SHC4: variants seen among roughly 807,000 people sequenced by gnomAD.
The protein encoded by SHC4 is SHC adaptor protein 4.
A neutral mutation model predicts 69.4 loss-of-function variants in SHC4; 41 were observed. The observed-to-expected ratio is 0.59, with a 90% CI of 0.46 to 0.77. The LOEUF is 0.77. SHC4 is among the 30% of genes least tolerant of loss of function. The pLI, the probability that SHC4 is intolerant of heterozygous loss-of-function variation, is 0.00. For synonymous variants in SHC4, 318 were observed against 299.3 expected (o/e 1.06, Z -0.64); for missense variants, 777 against 783.8 (o/e 0.99, Z 0.10).
At chr15:48,867,397 C>T (rs1483168399) in intron 6 of SHC4, among the ~76,000 whole-genome samples, 1 of 152,126 alleles carries the variant, frequency 6.6e-6, no homozygotes, top group East Asian at 1.9e-4. Context: ...AGAGATAATA[C>T]AGGCTCTTGA....
At chr15:48,906,372 A>C (rs2141014164) in intron 2 of SHC4, among the ~76,000 whole-genome samples, 1 of 152,240 alleles carries the variant, frequency 6.6e-6, no homozygotes, top group Non-Finnish European at 1.5e-5. Flanking sequence ...TTGAGGTGGA[A>C]ATCTATTTTT....
intron 2 of SHC4, among the ~76,000 whole-genome samples, chr15:48,901,691 A>T (rs925860991): frequency 4.6e-5 from 7 of 152,216 alleles, no homozygotes; most frequent in Non-Finnish European, 7.3e-5. Flanking sequence ...GATAATAGAA[A>T]GTGAGGAAAA....
chr15:48,944,181 T>C (rs1385986202), intron 1 of SHC4, among the ~76,000 whole-genome samples: 1 of 152,178 alleles, frequency 6.6e-6, no homozygotes, highest in Non-Finnish European at 1.5e-5. Context: ...TGCAACACCA[T>C]GTGGTGTCCA....
At position 48,834,881 on chromosome 15, in the gene SHC4, T is replaced by G; in HGVS notation, c.1625A>C (p.Lys542Thr). 1 of 1,614,186 alleles carries G rather than the reference T, an allele frequency of 6.2e-7. No individual in the cohort carries two copies. Reference protein sequence around the residue: ...SRKAAESLLVKDGDFLVRESA... With the variant: ...SRKAAESLLVTDGDFLVRESA... ...CTCTCGAACCAAAAAGTCCCCATCC[T>G]TTACCAAGAGGCTCTCTGCCGCCTT... The change falls in exon 11 of 12, where the codon AAG becomes ACG. Residue 542 changes from lysine to threonine, a missense_variant. Physicochemically the swap from Lys to Thr is moderately conservative, Grantham distance 78. Transcript: ENST00000332408.
intron 2 of SHC4, among the ~76,000 whole-genome samples, chr15:48,909,917 G>A (rs1457487907): frequency 6.6e-6 from 1 of 152,112 alleles, no homozygotes; most frequent in Non-Finnish European, 1.5e-5. Context: ...CTTGATCATG[G>A]TGGATTATCT....
intron 3 of SHC4, among the ~76,000 whole-genome samples, chr15:48,888,882 C>CAAAAAAAA (rs36036782): frequency 2.2e-5 from 2 of 89,158 alleles, no homozygotes; most frequent in Admixed American, 1.3e-4. Flanking sequence ...GTGAAACTGT[C>CAAAAAAAA]AAAAAAAAAA....
intron 9 of SHC4, among the ~76,000 whole-genome samples, chr15:48,845,325 C>A (rs1224233096): frequency 6.6e-6 from 1 of 152,174 alleles, no homozygotes; most frequent in East Asian, 1.9e-4. Context: ...CTCCTTTACT[C>A]CTTGTCTGTC....
At chr15:48,956,970 C>CTTTTTT (rs1234585427) in intron 1 of SHC4, among the ~76,000 whole-genome samples, 3 of 70,164 alleles carry the variant, frequency 4.3e-5, no homozygotes, top group African/African-American at 1.1e-4. Flanking sequence ...TTCTTTCTTT[C>CTTTTTT]TTTCTTTTTT....
chr15:48,922,253 G>A (rs1202959623), intron 2 of SHC4, among the ~76,000 whole-genome samples: 1 of 152,046 alleles, frequency 6.6e-6, no homozygotes, highest in East Asian at 1.9e-4. Context: ...TTATTCACTT[G>A]AACAGTTTCA....
intron 1 of SHC4, among the ~76,000 whole-genome samples, chr15:48,947,518 A>G (rs144696523): frequency 6.6e-6 from 1 of 152,316 alleles, no homozygotes; most frequent in African/African-American, 2.4e-5. Flanking sequence ...ACCCCTCAAA[A>G]AGTCATTGCT....
chr15:48,937,627 G>GATAC (rs1488037625), intron 1 of SHC4, among the ~76,000 whole-genome samples: 1 of 150,478 alleles, frequency 6.6e-6, no homozygotes, highest in African/African-American at 2.4e-5. Flanking sequence ...TAGATAGATA[G>GATAC]AGATATAAAT....
chr15:48,891,419 T>C (rs1438916320), intron 2 of SHC4, among the ~76,000 whole-genome samples: 2 of 152,186 alleles, frequency 1.3e-5, no homozygotes, highest in Non-Finnish European at 2.9e-5. Context: ...GCCCTTCCTA[T>C]ATATTGCACT....
chr15:48,857,594 G>A, intron 7 of SHC4, 98 bp downstream of exon 7: 2 of 1,099,780 alleles, frequency 1.8e-6, no homozygotes, highest in South Asian at 3.1e-5. Context: ...ATTTTAAAAT[G>A]CCACATTAAT....
chr15:48,963,265 G>A lies in SHC4; in HGVS notation c.-250C>T. 1 of 461,148 alleles carries A rather than the reference G, an allele frequency of 2.2e-6. No homozygotes were observed. The highest frequency in any genetic ancestry group is 4.6e-5 in the South Asian group (1 of 21,654). The allele number at this position is 461,148 out of a possible 1,614,324, so 28.6% of individuals were successfully genotyped here. On this transcript the variant is annotated 5_prime_UTR_variant, in exon 1 of 12. Coordinates refer to ENST00000332408, the MANE Select transcript of SHC4 (RefSeq NM_203349.4). ...CAGAGGCACCAGTGTTCTCGCCTTG[G>A]AATCCTTGTCGGGAGAGCCTAGACC...
intron 3 of SHC4, among the ~76,000 whole-genome samples, chr15:48,887,251 C>G (rs1226197671): frequency 1.3e-5 from 2 of 152,132 alleles, no homozygotes; most frequent in Non-Finnish European, 1.5e-5. Flanking sequence ...TTGGCTCCCT[C>G]CCCCCAGGGC....
chr15:48,896,887 G>C (rs1232385604), intron 2 of SHC4, among the ~76,000 whole-genome samples: 1 of 152,214 alleles, frequency 6.6e-6, no homozygotes, highest in African/African-American at 2.4e-5. Context: ...GACATTAACT[G>C]TAACATTTTC....
intron 11 of SHC4, among the ~76,000 whole-genome samples, chr15:48,832,386 G>A (rs1898822326): frequency 6.6e-6 from 1 of 152,198 alleles, no homozygotes. Flanking sequence ...TAGTCTTACG[G>A]TGGTTATGAT....
chr15:48,898,314 G>A (rs1900260193), intron 2 of SHC4, among the ~76,000 whole-genome samples: 1 of 152,238 alleles, frequency 6.6e-6, no homozygotes, highest in Non-Finnish European at 1.5e-5. Context: ...AGTTGAAAAT[G>A]GAAAGCCTCA....
chr15:48,949,618 A>C (rs1413781853), intron 1 of SHC4, among the ~76,000 whole-genome samples: 1 of 151,994 alleles, frequency 6.6e-6, no homozygotes, highest in Non-Finnish European at 1.5e-5. Flanking sequence ...GATGCTTAAG[A>C]CTTGTTATAA....
Sources: allele counts gnomAD v4.1 joint callset (sites outside exome capture counted in the v4.1 genomes callset), GRCh38; gene constraint gnomAD v4.1.1; transcripts MANE v1.5; gene names NCBI Gene and HGNC (gene_info 2026-07-23, HGNC 2026-07-21).